Variants in CNBD1 observed in about 807,000 individuals in gnomAD.
CNBD1 encodes the protein cyclic nucleotide-binding domain-containing protein 1.
In CNBD1, 71 loss-of-function variants were observed where a neutral mutation model predicts 54.4. That is an observed-to-expected ratio of 1.30 (90% CI 1.08 to 1.59). The LOEUF is 1.59. Ranked by LOEUF, CNBD1 falls within the 40% of genes most tolerant of loss-of-function variation. CNBD1 has a pLI of 0.00. For missense variants in CNBD1, 659 were observed against 518.0 expected (o/e 1.27, Z -2.64); for synonymous variants, 182 against 170.7 (o/e 1.07, Z -0.51).
At chr8:86,963,420 AGG>A (rs1807986498) in intron 4 of CNBD1, among the ~76,000 whole-genome samples, 2 of 152,154 alleles carry the variant, frequency 1.3e-5, no homozygotes, top group South Asian at 4.1e-4. Flanking sequence ...GTTCCATTCC[AGG>A]GCTTCAAACT....
At chr8:87,301,390 C>A (rs1361191785) in intron 8 of CNBD1, among the ~76,000 whole-genome samples, 6 of 151,996 alleles carry the variant, frequency 3.9e-5, no homozygotes, top group Admixed American at 3.3e-4. Flanking sequence ...AAAGACATAA[C>A]CCAAAAAGAA....
chr8:87,352,028 C>T (rs1016349064), intron 9 of CNBD1, among the ~76,000 whole-genome samples: 1 of 152,154 alleles, frequency 6.6e-6, no homozygotes, highest in Non-Finnish European at 1.5e-5. Flanking sequence ...GTAAAATATG[C>T]TTCACGTTCT....
intron 4 of CNBD1, among the ~76,000 whole-genome samples, chr8:87,118,090 C>T (rs570606577): frequency 4.7e-4 from 72 of 151,842 alleles, no homozygotes; most frequent in African/African-American, 1.0e-3. Flanking sequence ...CCGAGGCGGG[C>T]GGATCATGAG....
intron 4 of CNBD1, among the ~76,000 whole-genome samples, chr8:87,142,302 C>A (rs898118943): frequency 6.6e-6 from 1 of 152,072 alleles, no homozygotes; most frequent in African/African-American, 2.4e-5. Context: ...TAATGAAGTC[C>A]TTTGCCACAA....
chr8:86,989,047 G>A (rs999038096), intron 4 of CNBD1, among the ~76,000 whole-genome samples: 2 of 152,080 alleles, frequency 1.3e-5, no homozygotes, highest in Admixed American at 6.6e-5. Flanking sequence ...AGGTGGTTAG[G>A]ATTGTTTGAA....
intron 8 of CNBD1, among the ~76,000 whole-genome samples, chr8:87,300,445 T>G (rs1338056044): frequency 6.6e-6 from 1 of 152,058 alleles, no homozygotes; most frequent in Non-Finnish European, 1.5e-5. Flanking sequence ...AAATCTAAAG[T>G]TATGCATTGT....
chr8:87,341,100 A>T (rs1412902954), intron 8 of CNBD1, among the ~76,000 whole-genome samples: 8 of 152,074 alleles, frequency 5.3e-5, no homozygotes, highest in South Asian at 2.1e-4. Context: ...TTTTCTTTAG[A>T]TGTATCTTCT....
At chr8:87,338,224 A>G (rs1271062740) in intron 8 of CNBD1, among the ~76,000 whole-genome samples, 1 of 152,186 alleles carries the variant, frequency 6.6e-6, no homozygotes, top group Non-Finnish European at 1.5e-5. Context: ...TATCATTGCC[A>G]TAATGAATTT....
chr8:87,349,572 C>T (rs957489910), intron 8 of CNBD1, among the ~76,000 whole-genome samples: 11 of 152,260 alleles, frequency 7.2e-5, no homozygotes, highest in Non-Finnish European at 1.2e-4. Flanking sequence ...GACGAGGTTT[C>T]GCCATGTTGG....
intron 4 of CNBD1, among the ~76,000 whole-genome samples, chr8:87,186,620 A>G (rs1735994640): frequency 1.3e-5 from 2 of 152,120 alleles, no homozygotes; most frequent in Non-Finnish European, 2.9e-5. Context: ...TCTTATTTTA[A>G]TCAATGAACC....
At chr8:86,962,643 G>A (rs1807960396) in intron 4 of CNBD1, among the ~76,000 whole-genome samples, 1 of 152,072 alleles carries the variant, frequency 6.6e-6, no homozygotes. Flanking sequence ...AAACTTAGCT[G>A]GGTGTGATGG....
rs1810919558 is a variant in CNBD1, at chr8:87,078,415, C to A, written c.432-127578C>A. Among the ~76,000 whole-genome samples, 10 of 152,268 alleles carry A rather than the reference C, an allele frequency of 6.6e-5. No homozygotes were observed. In the South Asian group the frequency reaches 1.9e-3, roughly 28 times the overall value. On this transcript the variant is annotated intron_variant, in intron 4 of 10. Transcript: ENST00000518476. ...AGCAGTACATTTGTAGATAAAATAT[C>A]TATTTCAAGCAATGTAACAAGGAAC...
intron 4 of CNBD1, among the ~76,000 whole-genome samples, chr8:87,096,460 GTTGT>G (rs1356235575): frequency 6.6e-6 from 1 of 151,150 alleles, no homozygotes; most frequent in African/African-American, 2.4e-5. Context: ...AGTCACGTTG[GTTGT>G]TAAAAGTTTC....
intron 4 of CNBD1, among the ~76,000 whole-genome samples, chr8:87,177,724 G>A (rs1456778974): frequency 1.3e-5 from 2 of 151,994 alleles, no homozygotes; most frequent in Admixed American, 6.5e-5. Context: ...ATTTTAACTA[G>A]TACTTATGAG....
chr8:87,390,407 A>C (rs1387806979), intron 2 of CNBD1, among the ~76,000 whole-genome samples: 1 of 152,122 alleles, frequency 6.6e-6, no homozygotes, highest in Non-Finnish European at 1.5e-5. Context: ...TACAAGAAAA[A>C]ACCCCATCAA....
intron 8 of CNBD1, among the ~76,000 whole-genome samples, chr8:87,318,792 C>A (rs1408186591): frequency 6.6e-6 from 1 of 151,972 alleles, no homozygotes; most frequent in Non-Finnish European, 1.5e-5. Flanking sequence ...ACCAGGCAGA[C>A]CCTCAGTCAG....
chr8:86,983,136 G>T (rs183034051), intron 4 of CNBD1, among the ~76,000 whole-genome samples: 3 of 152,252 alleles, frequency 2.0e-5, no homozygotes, highest in African/African-American at 7.2e-5. Context: ...ACCCCATGGG[G>T]AGGTAATTGT....
downstream of CNBD1, among the ~76,000 whole-genome samples, chr8:87,383,144 T>C (rs770623707): frequency 2.0e-5 from 3 of 152,084 alleles, no homozygotes; most frequent in Non-Finnish European, 4.4e-5. Flanking sequence ...GCTTTTTTCA[T>C]CTTTTAAAAA....
At chr8:87,370,915 G>A (rs1017838546) in intron 10 of CNBD1, among the ~76,000 whole-genome samples, 2 of 151,384 alleles carry the variant, frequency 1.3e-5, no homozygotes, top group Non-Finnish European at 2.9e-5. Flanking sequence ...TAAGGTATAA[G>A]GAAGGGATCC....
Sources: gnomAD v4.1 joint callset for allele counts (sites outside exome capture counted in the v4.1 genomes callset) on GRCh38, gnomAD v4.1.1 for gene constraint, MANE v1.5 for transcripts, NCBI Gene and HGNC (gene_info 2026-07-23, HGNC 2026-07-21) for gene names.